Variants in RIMS2 observed in about 807,000 individuals in gnomAD.
The protein encoded by RIMS2 is regulating synaptic membrane exocytosis 2.
In RIMS2, 59 loss-of-function variants were observed where a neutral mutation model predicts 174.4. The observed-to-expected ratio is 0.34, with a 90% CI of 0.27 to 0.42. RIMS2 has a LOEUF of 0.42. Among genes scored for constraint, RIMS2 ranks in the 10% least tolerant of loss-of-function variants. RIMS2 has a pLI of 1.00. For missense variants in RIMS2, 1,620 were observed against 1,666.3 expected, an observed-to-expected ratio of 0.97 and a Z score of 0.48; for synonymous variants, 606 against 572.5, an observed-to-expected ratio of 1.06 and a Z score of -0.84.
intron 19 of RIMS2, among the ~76,000 whole-genome samples, chr8:104,091,843 T>C (rs1197453048): frequency 6.6e-6 from 1 of 151,666 alleles, no homozygotes; most frequent in Non-Finnish European, 1.5e-5. Flanking sequence ...ATAATGTTTC[T>C]TTTAAAATTA....
intron 1 of RIMS2, among the ~76,000 whole-genome samples, chr8:103,531,758 G>A (rs1586920801): frequency 1.3e-5 from 2 of 152,104 alleles, no homozygotes; most frequent in Non-Finnish European, 2.9e-5. Context: ...TAATAAACTA[G>A]TAAATGTACC....
At chr8:103,864,926 A>G (rs2099077370) in intron 3 of RIMS2, among the ~76,000 whole-genome samples, 1 of 152,172 alleles carries the variant, frequency 6.6e-6, no homozygotes, top group Admixed American at 6.5e-5. Context: ...TAATTAAATG[A>G]TATTATCTCT....
chr8:104,050,478 C>T (rs539436870), intron 19 of RIMS2, among the ~76,000 whole-genome samples: 26 of 152,084 alleles, frequency 1.7e-4, no homozygotes, highest in African/African-American at 5.5e-4. Context: ...GATGTTTGAA[C>T]TAAACCAGAA....
At chr8:103,589,835 A>T (rs1296266275) in intron 1 of RIMS2, among the ~76,000 whole-genome samples, 1 of 151,582 alleles carries the variant, frequency 6.6e-6, no homozygotes, top group Non-Finnish European at 1.5e-5. Context: ...AGTCACAGAA[A>T]GAGAAACATC....
chr8:104,148,275 G>A (rs1213519025), intron 19 of RIMS2, among the ~76,000 whole-genome samples: 9 of 147,716 alleles, frequency 6.1e-5, no homozygotes, highest in South Asian at 2.1e-4. Flanking sequence ...CCCTTATGTC[G>A]TATGGCTACC....
chr8:104,173,375 T>C (rs1397762157), intron 19 of RIMS2, among the ~76,000 whole-genome samples: 6 of 152,150 alleles, frequency 3.9e-5, no homozygotes, highest in African/African-American at 1.4e-4. Context: ...TAGGATGTGC[T>C]GCTTCCTGAT....
At chr8:104,145,852 A>G (rs1043667011) in intron 19 of RIMS2, among the ~76,000 whole-genome samples, 1 of 151,422 alleles carries the variant, frequency 6.6e-6, no homozygotes, top group African/African-American at 2.4e-5. Context: ...CAAGAGCGAA[A>G]CTCCATCTCA....
rs935586217 is a variant in RIMS2 at position 104,200,819 on chromosome 8, CG to C, written c.3335-44094del. Among the ~76,000 whole-genome samples the C allele has an allele frequency of 3.2e-4, 49 of 152,078 alleles. 1 individual carries two copies. On this transcript the variant is annotated intron_variant, in intron 19 of 23. Coordinates refer to ENST00000504942, the Ensembl canonical transcript of RIMS2. ...GTCCCAGCTACCTGAGTGGCTGAGGCGGGAAGATCACTGGAGCCCAGGAGGT... is the reference window on the plus strand; with the variant it reads ...GTCCCAGCTACCTGAGTGGCTGAGGCGGAAGATCACTGGAGCCCAGGAGGT...
intron 19 of RIMS2, among the ~76,000 whole-genome samples, chr8:104,203,825 A>G (rs1346341864): frequency 6.6e-6 from 1 of 152,270 alleles, no homozygotes; most frequent in South Asian, 2.1e-4. Context: ...TCTTTTAATT[A>G]CACTAAATAA....
intron 2 of RIMS2, among the ~76,000 whole-genome samples, chr8:103,714,882 A>T (rs1457575787): frequency 2.0e-5 from 3 of 152,156 alleles, no homozygotes; most frequent in Non-Finnish European, 2.9e-5. Flanking sequence ...TTGGTATAAA[A>T]TTTTTTTAGA....
At position 104,171,502 on chromosome 8, in the gene RIMS2, T is replaced by TTA. The variant is rs57243948; in HGVS notation, c.3335-73402_3335-73401dup. ...CAGAAGTTCTGATTGATTTTTTTTG[T>TTA]TATATATATATATCTCTCTCTGGAA... is the stretch of plus-strand genomic sequence containing the variant. On this transcript the variant is annotated intron_variant, in intron 19 of 23. Transcript: ENST00000504942. Among the ~76,000 whole-genome samples, 8 of 151,266 alleles carry TTA rather than the reference T, an allele frequency of 5.3e-5. 1 individual carries two copies. Among genetic ancestry groups the TTA allele is most frequent in the African/African-American group, 9.7e-5 (4 of 41,182 alleles).
chr8:103,647,457 G>A (rs2096362051), intron 1 of RIMS2, among the ~76,000 whole-genome samples: 1 of 152,046 alleles, frequency 6.6e-6, no homozygotes, highest in African/African-American at 2.4e-5. Flanking sequence ...TTAGAGGGGA[G>A]ACCCTCCTTT....
chr8:103,917,932 G>C (rs2076922206), intron 8 of RIMS2, among the ~76,000 whole-genome samples: 1 of 152,002 alleles, frequency 6.6e-6, no homozygotes, highest in South Asian at 2.1e-4. Flanking sequence ...TCGCGGCACT[G>C]CACTCCAGCC....
Position 103,833,693 on chromosome 8 carries a change from A to G in RIMS2, c.699-51605A>G, listed in dbSNP as rs2098840134. The stretch of plus-strand genomic sequence containing the variant: ...TTTTATATTTTGTTCTAAAATTTCC[A>G]TTTATTTTTTATAGCCACTATATCT... On this transcript the variant is annotated intron_variant, in intron 3 of 23. Coordinates refer to ENST00000504942, the Ensembl canonical transcript of RIMS2. 2.6e-5 allele frequency among the ~76,000 whole-genome samples: 4 copies of G among 151,956 alleles called. No individual in the cohort carries two copies. In the South Asian group the frequency reaches 8.3e-4, roughly 31 times the overall value.
At chr8:104,212,604 T>TCA (rs143539138) in intron 19 of RIMS2, among the ~76,000 whole-genome samples, 33 of 151,730 alleles carry the variant, frequency 2.2e-4, no homozygotes, top group African/African-American at 3.4e-4. Flanking sequence ...TTCCTGAGTC[T>TCA]CACACACACA....
At chr8:103,756,904 A>C (rs1451705684) in intron 2 of RIMS2, among the ~76,000 whole-genome samples, 1 of 152,054 alleles carries the variant, frequency 6.6e-6, no homozygotes, top group Non-Finnish European at 1.5e-5. Context: ...TGTCATAATC[A>C]AATGGCATTG....
At chr8:103,702,048 C>T (rs1012147306) in intron 2 of RIMS2, among the ~76,000 whole-genome samples, 1 of 152,084 alleles carries the variant, frequency 6.6e-6, no homozygotes, top group African/African-American at 2.4e-5. Context: ...ATTTACATTC[C>T]TACCAACAGT....
chr8:103,949,609 G>T (rs1245466611), intron 14 of RIMS2, among the ~76,000 whole-genome samples: 1 of 152,112 alleles, frequency 6.6e-6, no homozygotes, highest in Non-Finnish European at 1.5e-5. Context: ...AACACCTAAT[G>T]TATCGATATT....
intron 10 of RIMS2, among the ~76,000 whole-genome samples, chr8:103,927,612 T>C (rs998144638): frequency 1.4e-4 from 21 of 151,652 alleles, no homozygotes; most frequent in African/African-American, 3.9e-4. Flanking sequence ...ATTTGAAAAA[T>C]TGGATTATAC....
Sources: gnomAD v4.1 joint callset for allele counts (sites outside exome capture counted in the v4.1 genomes callset) on GRCh38, gnomAD v4.1.1 for gene constraint, MANE v1.5 for transcripts, NCBI Gene and HGNC (gene_info 2026-07-23, HGNC 2026-07-21) for gene names.